The following SAMD5 variants were observed in gnomAD, a reference collection of about 807,000 sequenced individuals.
SAMD5 encodes the protein sterile alpha motif domain containing 5, also known as sterile alpha motif domain-containing protein 5.
A neutral mutation model predicts 11.3 loss-of-function variants in SAMD5; 13 were observed. That is an observed-to-expected ratio of 1.15 (90% CI 0.75 to 1.83). The LOEUF is 1.83. Among genes scored for constraint, SAMD5 ranks in the 40% most tolerant of loss-of-function variants. SAMD5 has a pLI of 0.00. For synonymous variants in SAMD5, 129 were observed against 111.3 expected (o/e 1.16, Z -1.00); for missense variants, 255 against 239.1 (o/e 1.07, Z -0.44).
chr6:147,595,003 CT>C (rs1789508467), intron 1 of SAMD5, among the ~76,000 whole-genome samples: 1 of 152,172 alleles, frequency 6.6e-6, no homozygotes, highest in African/African-American at 2.4e-5. Flanking sequence ...GAAAATATAA[CT>C]TATCCTACTT....
chr6:147,643,712 C>G (rs922074381), intron 1 of SAMD5, among the ~76,000 whole-genome samples: 4 of 118,790 alleles, frequency 3.4e-5, no homozygotes, highest in Non-Finnish European at 6.9e-5. Context: ...AGGAAAGAGA[C>G]AGAAAAGAGG....
intron 1 of SAMD5, among the ~76,000 whole-genome samples, chr6:147,707,348 C>G (rs1326397398): frequency 6.6e-6 from 1 of 152,082 alleles, no homozygotes; most frequent in Admixed American, 6.5e-5. Context: ...TGTTCAGAAG[C>G]ATGTTTACAG....
intron 1 of SAMD5, among the ~76,000 whole-genome samples, chr6:147,540,943 T>TG (rs762532636): frequency 7.3e-6 from 1 of 136,790 alleles, no homozygotes; most frequent in African/African-American, 2.8e-5. Flanking sequence ...GTTTTTTTTT[T>TG]TTTTTTTTTT....
chr6:147,527,908 G>A (rs1278161512), intron 1 of SAMD5, among the ~76,000 whole-genome samples: 1 of 152,130 alleles, frequency 6.6e-6, no homozygotes, highest in Non-Finnish European at 1.5e-5. Flanking sequence ...AGAGAGGCCT[G>A]AGGGAGATTT....
chr6:147,738,682 A>G, downstream of SAMD5, among the ~76,000 whole-genome samples: 1 of 152,142 alleles, frequency 6.6e-6, no homozygotes, highest in Middle Eastern at 3.2e-3. Context: ...GGTTTTACAA[A>G]CTCAGAGTTC....
chr6:147,816,301 A>AAAAAAAAAAAAAATATATAT, the SAMD5 span, among the ~76,000 whole-genome samples: 6 of 66,354 alleles, frequency 9.0e-5, no homozygotes, highest in Admixed American at 2.0e-4. Context: ...AAAAAAAAAA[A>AAAAAAAAAAAAAATATATAT]ATATATATAT....
At chr6:147,525,604 G>A (rs1417595978) in intron 1 of SAMD5, among the ~76,000 whole-genome samples, 6 of 151,994 alleles carry the variant, frequency 3.9e-5, no homozygotes, top group Admixed American at 1.3e-4. Context: ...TGGAAAGGCC[G>A]AATTTAAATC....
chr6:147,591,268 G>T (rs1200000297), intron 1 of SAMD5, among the ~76,000 whole-genome samples: 1 of 152,140 alleles, frequency 6.6e-6, no homozygotes, highest in African/African-American at 2.4e-5. Context: ...AACCATGATG[G>T]TTTCAGTGTA....
intron 1 of SAMD5, among the ~76,000 whole-genome samples, chr6:147,649,022 G>C (rs1408645077): frequency 6.6e-6 from 1 of 152,156 alleles, no homozygotes; most frequent in Non-Finnish European, 1.5e-5. Context: ...ATATTTTTTA[G>C]ATGACCTCTG....
At chr6:147,836,919 T>C in the SAMD5 span, among the ~76,000 whole-genome samples, 1 of 152,204 alleles carries the variant, frequency 6.6e-6, no homozygotes, top group Non-Finnish European at 1.5e-5. Flanking sequence ...TTAATAATGA[T>C]AGATATTTTG....
chr6:147,544,023 T>A (rs923714193), intron 1 of SAMD5, among the ~76,000 whole-genome samples: 1 of 152,212 alleles, frequency 6.6e-6, no homozygotes, highest in Non-Finnish European at 1.5e-5. Flanking sequence ...AAAATTATAA[T>A]GCAGATAATT....
In SAMD5 at chr6:147,575,426, A is replaced by G. The variant is rs980289221; in HGVS notation, c.162+66039A>G. ...GTTTCTTGGCTCAAATGTGGGTTGCAGCTCTGCATTTGTGCCACCACGAAT... is the reference window on the plus strand; with the variant it reads ...GTTTCTTGGCTCAAATGTGGGTTGCGGCTCTGCATTTGTGCCACCACGAAT... On this transcript the variant is annotated intron_variant, in intron 1 of 1. Coordinates refer to the SAMD5 transcript ENST00000566741. 1.7e-4 allele frequency among the ~76,000 whole-genome samples: 26 copies of G among 152,272 alleles called. 1 individual carries two copies. The highest frequency in any genetic ancestry group is 7.3e-5 in the Non-Finnish European group (5 of 68,050).
intron 1 of SAMD5, among the ~76,000 whole-genome samples, chr6:147,648,690 G>C (rs980417648): frequency 1.2e-4 from 19 of 152,316 alleles, no homozygotes; most frequent in Non-Finnish European, 2.5e-4. Flanking sequence ...AAATATCTCT[G>C]TTCAGGTGGG....
chr6:147,843,059 C>T, the SAMD5 span, among the ~76,000 whole-genome samples: 1 of 152,100 alleles, frequency 6.6e-6, no homozygotes. Flanking sequence ...AGGGTTTCAC[C>T]ATGTTGGTTA....
the SAMD5 span, among the ~76,000 whole-genome samples, chr6:147,879,589 T>C: frequency 6.6e-6 from 1 of 152,236 alleles, no homozygotes; most frequent in Non-Finnish European, 1.5e-5. Flanking sequence ...ATTGCCCTTA[T>C]AGTTTTGATG....
At position 147,674,220 on chromosome 6, in the gene SAMD5, C is replaced by T. The variant is rs1220422634; in HGVS notation, c.163-63097C>T. ...ACAGAGTTTGGTTGGAAAAACAAGA[C>T]AATCAAAGCTTCTCCTAGGTAATGG... On this transcript the variant is annotated intron_variant, in intron 1 of 1. Coordinates refer to the SAMD5 transcript ENST00000566741. 3.3e-5 allele frequency among the ~76,000 whole-genome samples: 5 copies of T among 152,086 alleles called. No individual in the cohort carries two copies. The South Asian group carries it at 8.3e-4, about 25-fold the overall frequency.
intron 1 of SAMD5, among the ~76,000 whole-genome samples, chr6:147,682,718 T>C (rs1298077475): frequency 6.6e-6 from 1 of 152,220 alleles, no homozygotes; most frequent in Admixed American, 6.6e-5. Flanking sequence ...AATTAGCTGC[T>C]GAGAATAGTA....
chr6:147,939,315 G>A, the SAMD5 span, among the ~76,000 whole-genome samples: 3 of 152,160 alleles, frequency 2.0e-5, no homozygotes, highest in African/African-American at 7.2e-5. Flanking sequence ...TTAAATCATT[G>A]GCCACTGATG....
At chr6:147,591,418 AGGGTCACCGCACTCGGGAG>A (rs1249153196) in intron 1 of SAMD5, among the ~76,000 whole-genome samples, 5 of 152,146 alleles carry the variant, frequency 3.3e-5, no homozygotes, top group Non-Finnish European at 5.9e-5. Flanking sequence ...TGAATTAAAG[AGGGTCACCGCACTCGGGAG>A]GGGTCGGCCA....
Sources: gnomAD v4.1 joint callset for allele counts (sites outside exome capture counted in the v4.1 genomes callset) on GRCh38, gnomAD v4.1.1 for gene constraint, MANE v1.5 for transcripts, NCBI Gene and HGNC (gene_info 2026-07-23, HGNC 2026-07-21) for gene names.